The following UBASH3A variants were observed in gnomAD, a reference collection of about 807,000 sequenced individuals.
UBASH3A encodes ubiquitin-associated and SH3 domain-containing protein A.
A neutral mutation model predicts 73.5 loss-of-function variants in UBASH3A; 63 were observed. That is an observed-to-expected ratio of 0.86 (90% CI 0.70 to 1.06). The LOEUF (loss-of-function observed/expected upper bound fraction) is 1.06, where lower values mean the gene tolerates loss of function less well. Among genes scored for constraint, UBASH3A ranks in the 50% least tolerant of loss-of-function variants. UBASH3A has a pLI of 0.00. For missense variants in UBASH3A, 860 were observed against 859.0 expected (o/e 1.00, Z -0.02); for synonymous variants, 363 against 351.1 (o/e 1.03, Z -0.38).
intron 8 of UBASH3A, among the ~76,000 whole-genome samples, chr21:42,430,256 G>T (rs551649326): frequency 6.6e-6 from 1 of 152,210 alleles, no homozygotes; most frequent in Non-Finnish European, 1.5e-5. Context: ...GTTCACAGAA[G>T]AAAGTCCAGA....
At chr21:42,436,048 T>G (rs1487033513) in intron 10 of UBASH3A, among the ~76,000 whole-genome samples, 2 of 152,020 alleles carry the variant, frequency 1.3e-5, no homozygotes, top group African/African-American at 4.8e-5. Flanking sequence ...GAGTTAGAGT[T>G]ACAGAGTCAT....
rs78274147 is a variant in UBASH3A at position 42,433,526 on chromosome 21, A to C, written c.1271-1306A>C. 6.0e-3 allele frequency among the ~76,000 whole-genome samples: 909 copies of C among 152,264 alleles called. 12 individuals carry two copies. The highest frequency in any genetic ancestry group is 0.02 in the African/African-American group (825 of 41,532). ...CCTGAGCTCTGCCCTCTGCCCCCAG[A>C]GTGATCACAGCTGAAGTGTCAATGA... On this transcript the variant is annotated intron_variant, in intron 9 of 14. Coordinates refer to ENST00000319294, the MANE Select transcript of UBASH3A (RefSeq NM_018961.4).
At chr21:42,424,713 T>C (rs1204087327) in intron 7 of UBASH3A, among the ~76,000 whole-genome samples, 2 of 152,162 alleles carry the variant, frequency 1.3e-5, no homozygotes, top group Non-Finnish European at 2.9e-5. Context: ...AAAGGTACAA[T>C]TAAGGGCTAA....
chr21:42,411,801 A>T (rs1457192407), intron 3 of UBASH3A, among the ~76,000 whole-genome samples: 1 of 152,226 alleles, frequency 6.6e-6, no homozygotes, highest in Non-Finnish European at 1.5e-5. Flanking sequence ...TAACATGACT[A>T]TTCTTGAAAA....
At position 42,418,656 on chromosome 21, in the gene UBASH3A, CT is replaced by C. The variant is rs778208383; in HGVS notation, c.1046+48del. 46 of 1,561,412 alleles carry C rather than the reference CT, an allele frequency of 2.9e-5. No homozygotes were observed. In the Middle Eastern group the frequency reaches 5.6e-4, roughly 19 times the overall value. On this transcript the variant is annotated intron_variant, in intron 7 of 14. Coordinates refer to ENST00000319294, the MANE Select transcript of UBASH3A (RefSeq NM_018961.4). ...AGCCCCGTCATCTCTCTCTGAGTTA[CT>C]GTGTGAGAGTGCCCACCTGCCAACA...
intron 10 of UBASH3A, chr21:42,435,204 G>A: frequency 3.1e-6 from 1 of 326,442 alleles, no homozygotes; most frequent in Non-Finnish European, 5.6e-6. Flanking sequence ...TGAAAGAAAG[G>A]CATGGAAAGA....
At chr21:42,407,276 G>A (rs966245569) in intron 2 of UBASH3A, among the ~76,000 whole-genome samples, 2 of 152,170 alleles carry the variant, frequency 1.3e-5, no homozygotes, top group African/African-American at 4.8e-5. Flanking sequence ...CTGGGAGGCT[G>A]GAGTGTCCTC....
Position 42,442,434 on chromosome 21 carries a change from G to A in UBASH3A, c.1487-18G>A, listed in dbSNP as rs780216301. Reference sequence around the variant, plus strand: ...TGGATGTTGAGGATGATAAACACTTGTATTCTGTTGAATCCAGAACTCAAA... The same window carrying A: ...TGGATGTTGAGGATGATAAACACTTATATTCTGTTGAATCCAGAACTCAAA... On this transcript the variant is annotated intron_variant, in intron 11 of 14. Transcript: ENST00000319294. 7 of 1,612,422 alleles carry A rather than the reference G, an allele frequency of 4.3e-6. No individual in the cohort carries two copies. The African/African-American group carries it at 6.7e-5, about 15-fold the overall frequency.
At chr21:42,443,683 T>G (rs112346135) in intron 13 of UBASH3A, among the ~76,000 whole-genome samples, 8,059 of 142,306 alleles carry the variant, frequency 0.057, 317 homozygotes, top group Middle Eastern at 0.15. Context: ...ATCTCTGAGA[T>G]GGAAATTGGC....
chr21:42,446,953 G>A, intron 14 of UBASH3A, 104 bp from the exon 15 acceptor site: 1 of 1,356,680 alleles, frequency 7.4e-7, no homozygotes, highest in Non-Finnish European at 1.0e-6. Flanking sequence ...GGCAGTCGCA[G>A]ACCCTCCAAA....
chr21:42,437,671 A>G, intron 11 of UBASH3A, 91 bp downstream of exon 11: 1 of 1,130,526 alleles, frequency 8.8e-7, no homozygotes, highest in Non-Finnish European at 1.3e-6. Flanking sequence ...GTGGAATTGG[A>G]TGACTGGCAA....
Position 42,434,830 on chromosome 21 carries a change from A to G in UBASH3A, c.1271-2A>G. 6.2e-7 allele frequency: 1 copy of G among 1,612,580 alleles called. No individual in the cohort carries two copies. The highest frequency in any genetic ancestry group is 8.5e-7 in the Non-Finnish European group (1 of 1,179,316). On this transcript the variant is annotated splice_acceptor_variant, in intron 9 of 14. Coordinates refer to ENST00000319294, the MANE Select transcript of UBASH3A (RefSeq NM_018961.4). LOFTEE classifies it high-confidence loss of function. ...AACGTCTGATGCTTATTTATACTTCAGGGAAATACTACAGGCCAGACCTGA... is the reference window on the plus strand; with the variant it reads ...AACGTCTGATGCTTATTTATACTTCGGGGAAATACTACAGGCCAGACCTGA...
Position 42,425,287 on chromosome 21 carries a change from T to C in UBASH3A, c.1047-1410T>C, listed in dbSNP as rs371600432. Among the ~76,000 whole-genome samples the C allele has an allele frequency of 2.0e-5, 3 of 152,378 alleles. 1 individual carries two copies. The highest frequency in any genetic ancestry group is 1.9e-4 in the East Asian group (1 of 5,190). Reference sequence around the variant, plus strand: ...CCCATGTTCACAGCATAATCTTGATTGTATTTCATTTGAAAGACTAGCAAA... The same window carrying C: ...CCCATGTTCACAGCATAATCTTGATCGTATTTCATTTGAAAGACTAGCAAA... On this transcript the variant is annotated intron_variant, in intron 7 of 14. Transcript: ENST00000319294.
At position 42,416,622 on chromosome 21, in the gene UBASH3A, T is replaced by G. The variant is rs1218355815; in HGVS notation, c.837+11T>G. On this transcript the variant is annotated intron_variant, in intron 6 of 14. Coordinates refer to ENST00000319294, the MANE Select transcript of UBASH3A (RefSeq NM_018961.4). The stretch of plus-strand genomic sequence containing the variant: ...TTTGTGCACTACCAGGTGAGAGAGC[T>G]GAGCAGGGGCTCATAAGAAGCAGAT... The G allele has an allele frequency of 6.5e-7, 1 of 1,544,460 alleles. No individual in the cohort carries two copies. Among genetic ancestry groups the G allele is most frequent in the African/African-American group, 1.4e-5 (1 of 71,550 alleles).
In UBASH3A at chr21:42,444,620, G is replaced by C; in HGVS notation, c.1825G>C (p.Asp609His). 1 of 1,614,204 alleles carries C rather than the reference G, an allele frequency of 6.2e-7. No homozygotes were observed. Among genetic ancestry groups the C allele is most frequent in the Non-Finnish European group, 8.5e-7 (1 of 1,180,012 alleles). ...CGGGCTGCCGCCCCGGGAATGTGGG[G>C]ATTTTGCCCAACTCGTGAGAAAGGT... ...LLGLPPRECG[D>H]FAQLVRKIPS... is the part of the protein sequence containing the mutation. Residue 609 changes from aspartate (D) to histidine (H), a missense_variant, in exon 14 of 15, where the codon GAT becomes CAT. Asp to His is a moderately conservative substitution (Grantham distance 81). Coordinates refer to ENST00000319294, the MANE Select transcript of UBASH3A (RefSeq NM_018961.4).
At chr21:42,418,737 A>C in intron 7 of UBASH3A, 128 bp downstream of exon 7, 1 of 832,398 alleles carries the variant, frequency 1.2e-6, no homozygotes, top group Non-Finnish European at 1.9e-6. Flanking sequence ...ATGCTGACAA[A>C]ATTATTCCTG....
chr21:42,433,771 G>A (rs1298361324), intron 9 of UBASH3A, among the ~76,000 whole-genome samples: 2 of 152,120 alleles, frequency 1.3e-5, no homozygotes, highest in Non-Finnish European at 2.9e-5. Context: ...CTCCTATATG[G>A]AAACTAAAAT....
At chr21:42,418,769 G>C (rs1020333010) in intron 7 of UBASH3A, among the ~76,000 whole-genome samples, 160 bp downstream of exon 7, 5 of 152,116 alleles carry the variant, frequency 3.3e-5, no homozygotes, top group Admixed American at 6.5e-5. Flanking sequence ...TAAACATCTT[G>C]GTTCGTCCCT....
intron 9 of UBASH3A, among the ~76,000 whole-genome samples, chr21:42,433,278 G>A (rs760275180): frequency 6.6e-6 from 1 of 152,160 alleles, no homozygotes; most frequent in African/African-American, 2.4e-5. Flanking sequence ...TTTGTATATT[G>A]CAGGGTTTAA....
Sources: allele counts gnomAD v4.1 joint callset (sites outside exome capture counted in the v4.1 genomes callset), GRCh38; gene constraint gnomAD v4.1.1; transcripts MANE v1.5; gene names NCBI Gene and HGNC (gene_info 2026-07-23, HGNC 2026-07-21).